Variants in SHROOM3 observed in about 807,000 individuals in gnomAD.
The protein encoded by SHROOM3 is shroom family member 3, also known as protein Shroom3.
In SHROOM3, 47 loss-of-function variants were observed where a neutral mutation model predicts 138.6. That is an observed-to-expected ratio of 0.34 (90% CI 0.27 to 0.43). The LOEUF (loss-of-function observed/expected upper bound fraction) is 0.43, where lower values mean the gene tolerates loss of function less well. SHROOM3 is among the 20% of genes least tolerant of loss of function. The probability of loss-of-function intolerance (pLI) is 1.00; values close to 1 mark genes in which losing one functional copy is unlikely to be tolerated. For synonymous variants in SHROOM3, 1,062 were observed against 1,063.3 expected (o/e 1.00, Z 0.02); for missense variants, 2,491 against 2,596.5 (o/e 0.96, Z 0.88).
chr4:76,723,611 CCT>C (rs1720614260), intron 3 of SHROOM3, among the ~76,000 whole-genome samples: 1 of 152,162 alleles, frequency 6.6e-6, no homozygotes, highest in African/African-American at 2.4e-5. Flanking sequence ...CCCTCCTCTG[CCT>C]CTCCCACCTC....
chr4:76,561,310 C>T (rs116550864), intron 2 of SHROOM3, among the ~76,000 whole-genome samples: 1,792 of 152,190 alleles, frequency 0.012, 17 homozygotes, highest in South Asian at 0.052. Flanking sequence ...TGGTAGATCA[C>T]ATTTTGCTGG....
Position 76,707,206 on chromosome 4 carries a change from T to C in SHROOM3, c.324-2950T>C, listed in dbSNP as rs1358559145. Among the ~76,000 whole-genome samples the C allele has an allele frequency of 3.3e-5, 5 of 152,236 alleles. No homozygotes were observed. The East Asian group carries it at 9.6e-4, about 29-fold the overall frequency. Reference sequence around the variant, plus strand: ...CCATTCCCTACCAAATCTGGGTTAGTAATTGTAACGCCTACAAAATCTGTG... The same window carrying C: ...CCATTCCCTACCAAATCTGGGTTAGCAATTGTAACGCCTACAAAATCTGTG... On this transcript the variant is annotated intron_variant, in intron 2 of 10. Coordinates refer to ENST00000296043, the MANE Select transcript of SHROOM3 (RefSeq NM_020859.4).
intron 1 of SHROOM3, among the ~76,000 whole-genome samples, chr4:76,543,861 A>G (rs978658791): frequency 6.6e-6 from 1 of 152,236 alleles, no homozygotes; most frequent in Non-Finnish European, 1.5e-5. Flanking sequence ...GTTGAACAGA[A>G]TTAATGACCA....
rs1721746399 is a variant in SHROOM3, at chr4:76,754,737, G to A, written c.4254G>A (p.Lys1418=). ...PEHGVEEGTR[K]RVSLPQWPPP... is the part of the protein sequence containing the mutation. ...ATGGGGTAGAAGAGGGAACGAGGAA[G>A]AGGGTCTCGCTGCCTCAGTGGCCAC... The change falls in exon 7 of 11, where the codon AAG becomes AAA. Residue 1418 remains lysine, a synonymous_variant. Coordinates refer to ENST00000296043, the MANE Select transcript of SHROOM3 (RefSeq NM_020859.4). The A allele has an allele frequency of 6.2e-7, 1 of 1,614,228 alleles. No homozygotes were observed. Among genetic ancestry groups the A allele is most frequent in the Non-Finnish European group, 8.5e-7 (1 of 1,180,030 alleles).
At chr4:76,585,966 C>T (rs1274349316) in intron 2 of SHROOM3, among the ~76,000 whole-genome samples, 2 of 152,238 alleles carry the variant, frequency 1.3e-5, no homozygotes, top group Admixed American at 1.3e-4. Flanking sequence ...ATGGTCTTCA[C>T]AGCACGTCGT....
At chr4:76,667,620 G>A (rs1401262307) in intron 2 of SHROOM3, among the ~76,000 whole-genome samples, 1 of 151,872 alleles carries the variant, frequency 6.6e-6, no homozygotes, top group African/African-American at 2.4e-5. Flanking sequence ...AGCCTGTTAT[G>A]TATTCTTTAC....
intron 6 of SHROOM3, 52 bp downstream of exon 6, chr4:76,749,142 A>G (rs1193057985): frequency 2.0e-6 from 3 of 1,486,332 alleles, no homozygotes; most frequent in Non-Finnish European, 1.9e-6. Context: ...GCTGGTGTTA[A>G]ACTACTCTTG....
chr4:76,479,698 A>C (rs576924999), intron 1 of SHROOM3, among the ~76,000 whole-genome samples: 9 of 152,324 alleles, frequency 5.9e-5, no homozygotes, highest in African/African-American at 1.9e-4. Context: ...CCAAGGTTGA[A>C]ATGAAGGAAA....
chr4:76,718,661 A>G (rs1720451314), intron 3 of SHROOM3, among the ~76,000 whole-genome samples: 1 of 152,182 alleles, frequency 6.6e-6, no homozygotes, highest in Non-Finnish European at 1.5e-5. Context: ...AATATAACAC[A>G]AGGCATCAGA....
intron 2 of SHROOM3, among the ~76,000 whole-genome samples, chr4:76,632,235 G>C (rs541825540): frequency 6.6e-6 from 1 of 152,264 alleles, no homozygotes; most frequent in East Asian, 1.9e-4. Context: ...AGAGAAAGTT[G>C]AGAATTACCA....
intron 10 of SHROOM3, among the ~76,000 whole-genome samples, chr4:76,774,176 C>G (rs1247175624): frequency 2.0e-5 from 3 of 152,158 alleles, no homozygotes; most frequent in Non-Finnish European, 1.5e-5. Flanking sequence ...ATTGGGCCAC[C>G]TGGATGAATG....
In SHROOM3 at chr4:76,473,193, G is replaced by T. The variant is rs148843151; in HGVS notation, c.168+36973G>T. Among the ~76,000 whole-genome samples the T allele has an allele frequency of 2.3e-4, 35 of 152,318 alleles. No homozygotes were observed. In the East Asian group the frequency reaches 6.7e-3, roughly 29 times the overall value. The stretch of plus-strand genomic sequence containing the variant: ...TGGACTTTATTAAAATTAAAGACTT[G>T]TGCTTCAAAGGATACTATTGAGAAA... On this transcript the variant is annotated intron_variant, in intron 1 of 10. Transcript: ENST00000296043.
At chr4:76,501,356 C>G (rs1169625504) in intron 1 of SHROOM3, among the ~76,000 whole-genome samples, 1 of 152,116 alleles carries the variant, frequency 6.6e-6, no homozygotes, top group African/African-American at 2.4e-5. Flanking sequence ...ACACATATTG[C>G]TCTCGGCCCA....
intron 2 of SHROOM3, among the ~76,000 whole-genome samples, chr4:76,635,594 C>G (rs566541807): frequency 9.2e-5 from 14 of 152,278 alleles, no homozygotes; most frequent in African/African-American, 3.1e-4. Flanking sequence ...TCTGTCCTGC[C>G]TAAATCAGGT....
intron 1 of SHROOM3, among the ~76,000 whole-genome samples, chr4:76,500,617 G>C (rs932202693): frequency 6.6e-6 from 1 of 151,800 alleles, no homozygotes; most frequent in Admixed American, 6.6e-5. Context: ...GCCAACTCTT[G>C]GTATTTTCTG....
At chr4:76,717,033 A>T (rs1455902196) in intron 3 of SHROOM3, among the ~76,000 whole-genome samples, 1 of 152,166 alleles carries the variant, frequency 6.6e-6, no homozygotes, top group African/African-American at 2.4e-5. Context: ...AATTCCCTCA[A>T]TTTTTGTTTA....
intron 2 of SHROOM3, among the ~76,000 whole-genome samples, chr4:76,671,173 G>T (rs966838945): frequency 3.3e-5 from 5 of 152,094 alleles, no homozygotes; most frequent in African/African-American, 4.8e-5. Context: ...CAGACCCCTG[G>T]CCTCATGGAG....
chr4:76,658,191 G>C (rs1365855680), intron 2 of SHROOM3, among the ~76,000 whole-genome samples: 1 of 152,214 alleles, frequency 6.6e-6, no homozygotes, highest in Non-Finnish European at 1.5e-5. Context: ...AGGATGTGAA[G>C]CTGAACACCA....
chr4:76,741,215 G>A lies in SHROOM3; in HGVS notation c.3042G>A (p.Glu1014=), dbSNP rs1271842443. The A allele has an allele frequency of 1.2e-6, 2 of 1,608,460 alleles. No homozygotes were observed. Among genetic ancestry groups the A allele is most frequent in the East Asian group, 2.2e-5 (1 of 44,632 alleles). Residue 1014 remains glutamate, a synonymous_variant, in exon 5 of 11, where the codon GAG becomes GAA. Coordinates refer to ENST00000296043, the MANE Select transcript of SHROOM3 (RefSeq NM_020859.4). This position sits in a 1 kb window ranked among gnomAD's most constrained non-coding sequence, Gnocchi z 6.2. ...GTGCTCGCCGGCGCCTGACTCCCGAGCAGAAGAAGCGCTCCTACTCGGAGC... is the reference window on the plus strand; with the variant it reads ...GTGCTCGCCGGCGCCTGACTCCCGAACAGAAGAAGCGCTCCTACTCGGAGC... The part of the protein sequence containing the change: ...RRGARRRLTP[E]QKKRSYSEPE...
Sources: gnomAD v4.1 joint callset for allele counts (sites outside exome capture counted in the v4.1 genomes callset) on GRCh38, gnomAD v4.1.1 for gene constraint, Gnocchi (gnomAD v3.1) non-coding constraint, MANE v1.5 for transcripts, NCBI Gene and HGNC (gene_info 2026-07-23, HGNC 2026-07-21) for gene names.